Variants in ACACA observed in about 807,000 individuals in gnomAD.
The protein encoded by ACACA is acetyl-CoA carboxylase 1.
In ACACA, 103 loss-of-function variants were observed where a neutral mutation model predicts 296.1. That is an observed-to-expected ratio of 0.35 (90% confidence interval 0.30 to 0.41). The LOEUF (loss-of-function observed/expected upper bound fraction) is 0.41, where lower values mean the gene tolerates loss of function less well. ACACA is among the 10% of genes least tolerant of loss of function. The pLI, the probability that ACACA is intolerant of heterozygous loss-of-function variation, is 1.00. For missense variants in ACACA, 1,554 were observed against 2,989.7 expected (o/e 0.52, Z 11.20); for synonymous variants, 953 against 1,038.6 (o/e 0.92, Z 1.58).
At chr17:37,215,034 C>T (rs1302754642) in intron 29 of ACACA, among the ~76,000 whole-genome samples, 5 of 152,142 alleles carry the variant, frequency 3.3e-5, no homozygotes, top group South Asian at 2.1e-4. Context: ...GTCCAGAGGC[C>T]GCCCACTGAC....
intron 24 of ACACA, among the ~76,000 whole-genome samples, chr17:37,236,671 A>C (rs1015520021): frequency 6.6e-6 from 1 of 152,076 alleles, no homozygotes; most frequent in Non-Finnish European, 1.5e-5. Context: ...CTAAAAATAC[A>C]AAAATTAGCC....
At chr17:37,295,282 G>C (rs1345505205) in intron 3 of ACACA, among the ~76,000 whole-genome samples, 1 of 152,114 alleles carries the variant, frequency 6.6e-6, no homozygotes, top group East Asian at 1.9e-4. Flanking sequence ...GAAAGGAAAA[G>C]AGAGAGAGAG....
chr17:37,108,774 T>C (rs755963512), intron 52 of ACACA, among the ~76,000 whole-genome samples: 14 of 152,134 alleles, frequency 9.2e-5, no homozygotes, highest in African/African-American at 9.7e-5. Context: ...AGAGGCAGAT[T>C]TGGGGAGAGA....
In ACACA at chr17:37,142,383, G is replaced by A. The variant is rs560451453; in HGVS notation, c.5679+7481C>T. 9.2e-5 allele frequency among the ~76,000 whole-genome samples: 14 copies of A among 152,276 alleles called. No homozygotes were observed. The South Asian group carries it at 2.9e-3, about 32-fold the overall frequency. On this transcript the variant is annotated intron_variant, in intron 45 of 55. Coordinates refer to ENST00000616317, the MANE Select transcript of ACACA (RefSeq NM_198834.3). ...TTTTCTACCAAACTTGAGGAATATT[G>A]AATGAAAAACAAACAAAATAATCCC...
intron 1 of ACACA, among the ~76,000 whole-genome samples, chr17:37,350,386 G>A (rs2048844610): frequency 6.6e-6 from 1 of 151,572 alleles, no homozygotes; most frequent in Admixed American, 6.6e-5. Flanking sequence ...TGGGTGTGGT[G>A]GCACATGCCT....
chr17:37,331,390 G>C (rs1371092248), intron 2 of ACACA, among the ~76,000 whole-genome samples: 2 of 148,158 alleles, frequency 1.3e-5, no homozygotes, highest in Non-Finnish European at 3.0e-5. Context: ...TTCCAGGTGT[G>C]AGCCACCGCA....
intron 1 of ACACA, among the ~76,000 whole-genome samples, chr17:37,394,712 T>C (rs997087503): frequency 6.2e-5 from 8 of 129,882 alleles, no homozygotes; most frequent in African/African-American, 2.3e-4. Context: ...CTATCTCTAC[T>C]AAAAAAAAAA....
At chr17:37,355,199 C>T (rs1302443375) in intron 1 of ACACA, among the ~76,000 whole-genome samples, 3 of 150,970 alleles carry the variant, frequency 2.0e-5, no homozygotes, top group Admixed American at 2.0e-4. Context: ...GCCGAGATCA[C>T]ACCACTGCAC....
chr17:37,094,360 C>T (rs995580228), intron 54 of ACACA, among the ~76,000 whole-genome samples: 12 of 152,086 alleles, frequency 7.9e-5, no homozygotes, highest in African/African-American at 2.4e-4. Context: ...TTTCTGTTTT[C>T]AGGATTAAGA....
At chr17:37,235,919 T>C (rs1399427768) in intron 24 of ACACA, among the ~76,000 whole-genome samples, 3 of 152,218 alleles carry the variant, frequency 2.0e-5, no homozygotes, top group African/African-American at 7.2e-5. Flanking sequence ...TCTGGTACAC[T>C]GTAGTGATAT....
intron 3 of ACACA, among the ~76,000 whole-genome samples, chr17:37,297,732 G>A (rs2083422810): frequency 6.6e-6 from 1 of 151,852 alleles, no homozygotes; most frequent in South Asian, 2.1e-4. Flanking sequence ...TGTATTTTTA[G>A]TAGAGACGGG....
chr17:37,146,063 C>A (rs926426540), intron 45 of ACACA, among the ~76,000 whole-genome samples: 5 of 152,052 alleles, frequency 3.3e-5, no homozygotes, highest in Admixed American at 3.3e-4. Flanking sequence ...TGTAAGTATA[C>A]AGAAAAACCA....
At chr17:37,289,955 T>C (rs138250341) in intron 3 of ACACA, among the ~76,000 whole-genome samples, 24 of 152,356 alleles carry the variant, frequency 1.6e-4, no homozygotes, top group Non-Finnish European at 3.2e-4. Flanking sequence ...TGAGGTCAGA[T>C]ACTCTTATTC....
At chr17:37,325,877 G>T (rs1421763370) in intron 3 of ACACA, among the ~76,000 whole-genome samples, 1 of 151,696 alleles carries the variant, frequency 6.6e-6, no homozygotes, top group African/African-American at 2.4e-5. Context: ...CCCAGCCAGG[G>T]TCTTATTTTC....
At chr17:37,388,895 T>G in intron 1 of ACACA, 2 of 1,440,334 alleles carry the variant, frequency 1.4e-6, no homozygotes, top group Non-Finnish European at 1.9e-6. Context: ...GACTTTGGAA[T>G]TTGAGGAGAT....
intron 25 of ACACA, among the ~76,000 whole-genome samples, chr17:37,233,678 C>A (rs1156382122): frequency 6.6e-6 from 1 of 152,244 alleles, no homozygotes. Flanking sequence ...ATTTAACAAT[C>A]CTTTCATTAA....
At chr17:37,297,408 T>C in intron 3 of ACACA, among the ~76,000 whole-genome samples, 1 of 144,866 alleles carries the variant, frequency 6.9e-6, no homozygotes, top group African/African-American at 2.6e-5. Context: ...GCCATCACAC[T>C]CTAGCATGGG....
At chr17:37,312,164 A>G (rs1014737257) in intron 3 of ACACA, among the ~76,000 whole-genome samples, 4 of 152,190 alleles carry the variant, frequency 2.6e-5, no homozygotes, top group African/African-American at 4.8e-5. Flanking sequence ...TTCAGTAAGG[A>G]TACATGACAA....
intron 41 of ACACA, chr17:37,162,825 C>G (rs909761875): frequency 6.2e-6 from 1 of 160,412 alleles, no homozygotes; most frequent in African/African-American, 2.4e-5. Flanking sequence ...TTTGAGAAAT[C>G]CCCCCTGCAG....
Sources: allele counts gnomAD v4.1 joint callset (sites outside exome capture counted in the v4.1 genomes callset), GRCh38; gene constraint gnomAD v4.1.1; transcripts MANE v1.5; gene names NCBI Gene and HGNC (gene_info 2026-07-23, HGNC 2026-07-21).